Variants in EIF4E observed in about 807,000 individuals in gnomAD.
EIF4E encodes eukaryotic translation initiation factor 4E.
For synonymous variants in EIF4E, 71 were observed against 88.5 expected, an observed-to-expected ratio of 0.80 and a Z score of 1.11; for missense variants, 113 against 265.6, an observed-to-expected ratio of 0.43 and a Z score of 3.99.
intron 2 of EIF4E, among the ~76,000 whole-genome samples, chr4:98,898,082 C>G (rs569748653): frequency 6.6e-6 from 1 of 152,062 alleles, no homozygotes; most frequent in East Asian, 1.9e-4. Flanking sequence ...TCTAAGAAAC[C>G]TAGTATCTCT....
chr4:98,882,360 G>GCACTC (rs1278681366), intron 6 of EIF4E, among the ~76,000 whole-genome samples: 2 of 136,800 alleles, frequency 1.5e-5, no homozygotes, highest in Admixed American at 1.6e-4. Flanking sequence ...CTGTGCCACT[G>GCACTC]CACTCCAGCC....
chr4:98,886,953 G>A (rs1723949138), intron 5 of EIF4E, 126 bp downstream of exon 5: 1 of 942,306 alleles, frequency 1.1e-6, no homozygotes, highest in Admixed American at 1.9e-5. Context: ...AATAATTACT[G>A]ACCCTGATTT....
chr4:98,918,512 A>T lies in EIF4E; in HGVS notation c.18+10583T>A, dbSNP rs979209717. Among the ~76,000 whole-genome samples the T allele has an allele frequency of 3.9e-5, 6 of 152,304 alleles. No homozygotes were observed. The East Asian group carries it at 9.6e-4, about 24-fold the overall frequency. On this transcript the variant is annotated intron_variant, in intron 1 of 6. Transcript: ENST00000450253. ...AGCCTGAAAACCAACTATATTTGAA[A>T]AAGTGTTTTATCTGACCAACAGGGT...
chr4:98,886,204 G>C (rs1474513487), intron 5 of EIF4E: 1 of 182,020 alleles, frequency 5.5e-6, no homozygotes, highest in Non-Finnish European at 1.2e-5. Context: ...CTTAACAAGT[G>C]CTAACTATAA....
intron 1 of EIF4E, 131 bp from the exon 2 acceptor site, chr4:98,902,113 G>A (rs1724679447): frequency 1.3e-6 from 1 of 752,052 alleles, no homozygotes; most frequent in African/African-American, 1.8e-5. Flanking sequence ...CTGTTGCCCA[G>A]GCTGGAGTGC....
At chr4:98,902,585 A>G (rs755778012) in intron 1 of EIF4E, among the ~76,000 whole-genome samples, 1 of 152,182 alleles carries the variant, frequency 6.6e-6, no homozygotes, top group Non-Finnish European at 1.5e-5. Flanking sequence ...CAGACTATGC[A>G]ACAAAGTTGG....
rs140020685 is a variant in EIF4E, at chr4:98,909,855, C to G, written c.19-7873G>C. ...TCAGGACAGGATCAGCCATGGTCCCCCAAGCGCCATGAGAAGGGTGGGACA... is the reference window on the plus strand; with the variant it reads ...TCAGGACAGGATCAGCCATGGTCCCGCAAGCGCCATGAGAAGGGTGGGACA... On this transcript the variant is annotated intron_variant, in intron 1 of 6. Transcript: ENST00000450253. 1.2e-3 allele frequency: 793 copies of G among 664,082 alleles called. 5 individuals carry two copies. In the African/African-American group the frequency reaches 0.013, roughly 11 times the overall value. 41.1% of individuals were successfully genotyped at this position (664,082 alleles called of 1,614,324 possible).
chr4:98,918,635 T>C (rs1725508251), intron 1 of EIF4E, among the ~76,000 whole-genome samples: 1 of 152,134 alleles, frequency 6.6e-6, no homozygotes, highest in Admixed American at 6.5e-5. Context: ...CCCAGTAATG[T>C]TTGAAATAGC....
At chr4:98,910,734 CT>C (rs201056576) in intron 1 of EIF4E, among the ~76,000 whole-genome samples, 324 of 144,732 alleles carry the variant, frequency 2.2e-3, no homozygotes, top group Middle Eastern at 6.9e-3. Context: ...TGGATGGATT[CT>C]TTTTTTTTTT....
intron 2 of EIF4E, among the ~76,000 whole-genome samples, chr4:98,894,844 G>A (rs1724299382): frequency 6.6e-6 from 1 of 152,178 alleles, no homozygotes; most frequent in Non-Finnish European, 1.5e-5. Context: ...CTTTTGACAT[G>A]TCTTCCTCGT....
rs879404692 is a variant in EIF4E, at chr4:98,915,545, C to CT, written c.18+13549dup. On this transcript the variant is annotated intron_variant, in intron 1 of 6. Transcript: ENST00000450253. ...GCCAATATCATATTTTTGTAAATTA[C>CT]TTTTTTTTTTTTTGAGACAGAGTCT... Among the ~76,000 whole-genome samples the CT allele has an allele frequency of 2.9e-3, 417 of 144,352 alleles. 2 individuals carry two copies. The highest frequency in any genetic ancestry group is 7.6e-3 in the African/African-American group (296 of 39,132). 94.7% of individuals were successfully genotyped at this position (144,352 alleles called of 152,430 possible).
rs374110967 is a variant in EIF4E at position 98,929,096 on chromosome 4, G to T, written c.17C>A (p.Pro6Gln). 4.6e-5 allele frequency: 72 copies of T among 1,581,464 alleles called. No homozygotes were observed. Among genetic ancestry groups the T allele is most frequent in the Non-Finnish European group, 6.0e-5 (70 of 1,163,484 alleles). MATVE[P>Q]ETTPTPNPPT... Reference sequence around the variant, plus strand: ...GTGGGGGCCAAAGGCAATACTCACCGGTTCGACAGTCGCCATCTTAGATCG... The same window carrying T: ...GTGGGGGCCAAAGGCAATACTCACCTGTTCGACAGTCGCCATCTTAGATCG... The change falls in exon 1 of 7, where the codon CCG (proline) becomes CAG (glutamine). Residue 6 changes from proline (P) to glutamine (Q), a missense_variant and splice_region_variant. By Grantham distance (76) the Pro-to-Gln change is moderately conservative (BLOSUM62 -1). Transcript: ENST00000450253.
chr4:98,909,993 A>G (rs766644526), intron 1 of EIF4E: 14 of 449,180 alleles, frequency 3.1e-5, no homozygotes, highest in Non-Finnish European at 5.0e-5. Context: ...TTAATTAACT[A>G]GTACACAAGA....
At chr4:98,885,536 C>T (rs940203300) in intron 5 of EIF4E, among the ~76,000 whole-genome samples, 1 of 152,142 alleles carries the variant, frequency 6.6e-6, no homozygotes, top group South Asian at 2.1e-4. Flanking sequence ...CAGCCTCAAC[C>T]TCCTGGGCTC....
At chr4:98,906,174 C>T (rs1372926882) in intron 1 of EIF4E, among the ~76,000 whole-genome samples, 4 of 152,186 alleles carry the variant, frequency 2.6e-5, no homozygotes, top group African/African-American at 9.7e-5. Context: ...CCATTACCTT[C>T]ATTCAACAAA....
At chr4:98,888,912 G>A (rs1724033035) in intron 3 of EIF4E, among the ~76,000 whole-genome samples, 1 of 152,120 alleles carries the variant, frequency 6.6e-6, no homozygotes, top group Admixed American at 6.6e-5. Flanking sequence ...TGTAATCCCA[G>A]CACTTTGGGA....
intron 1 of EIF4E, among the ~76,000 whole-genome samples, chr4:98,912,484 G>A (rs1168093560): frequency 6.6e-6 from 1 of 151,710 alleles, no homozygotes; most frequent in Non-Finnish European, 1.5e-5. Flanking sequence ...GCTGAGGCAG[G>A]AGAATCGCTT....
intron 2 of EIF4E, chr4:98,895,543 A>G (rs1284530714): frequency 6.6e-6 from 1 of 152,198 alleles, no homozygotes; most frequent in African/African-American, 2.4e-5. Flanking sequence ...TAATCCTATA[A>G]TTAATGCTTG....
intron 1 of EIF4E, among the ~76,000 whole-genome samples, chr4:98,919,586 T>C (rs1453183260): frequency 7.1e-6 from 1 of 140,790 alleles, no homozygotes; most frequent in Non-Finnish European, 1.5e-5. Flanking sequence ...TGAGATGGAG[T>C]CTTGCTCTAT....
Sources: gnomAD v4.1 joint callset for allele counts (sites outside exome capture counted in the v4.1 genomes callset) on GRCh38, gnomAD v4.1.1 for gene constraint, MANE v1.5 for transcripts, NCBI Gene and HGNC (gene_info 2026-07-23, HGNC 2026-07-21) for gene names.